Variants in GMDS observed in about 807,000 individuals in gnomAD.
GMDS encodes the protein GDP-mannose 4,6-dehydratase, also known as GDP-mannose 4,6 dehydratase.
GMDS carries 20 observed loss-of-function variants against 49.9 expected under a neutral mutation model. The observed-to-expected ratio is 0.40, with a 90% CI of 0.28 to 0.58. The LOEUF is 0.58. Among genes scored for constraint, GMDS ranks in the 20% least tolerant of loss-of-function variants. The probability of loss-of-function intolerance (pLI) is 0.42; values close to 1 mark genes in which losing one functional copy is unlikely to be tolerated. For synonymous variants in GMDS, 177 were observed against 178.6 expected (o/e 0.99, Z 0.07); for missense variants, 362 against 481.4 (o/e 0.75, Z 2.32).
intron 4 of GMDS, among the ~76,000 whole-genome samples, chr6:2,090,808 C>T (rs1005666284): frequency 6.6e-5 from 10 of 152,090 alleles, no homozygotes; most frequent in South Asian, 2.1e-4. Flanking sequence ...GCTGAAGTTT[C>T]GAGTCTCATC....
At chr6:1,665,817 C>T (rs910445841) in intron 9 of GMDS, among the ~76,000 whole-genome samples, 4 of 152,194 alleles carry the variant, frequency 2.6e-5, no homozygotes, top group Admixed American at 2.0e-4. Flanking sequence ...ATCATCATGT[C>T]TTCAGGCTAC....
At chr6:1,668,373 A>G (rs1386694605) in intron 9 of GMDS, among the ~76,000 whole-genome samples, 1 of 152,224 alleles carries the variant, frequency 6.6e-6, no homozygotes, top group Non-Finnish European at 1.5e-5. Flanking sequence ...TTTGAATTAT[A>G]AACTGTAGAT....
intron 7 of GMDS, among the ~76,000 whole-genome samples, chr6:1,898,783 C>T (rs1008941937): frequency 4.6e-5 from 7 of 152,148 alleles, no homozygotes; most frequent in African/African-American, 1.7e-4. Flanking sequence ...AGAATCAAAT[C>T]CCAGCGTGTA....
intron 7 of GMDS, among the ~76,000 whole-genome samples, chr6:1,825,890 C>T (rs1053613260): frequency 6.6e-6 from 1 of 152,172 alleles, no homozygotes; most frequent in Non-Finnish European, 1.5e-5. Context: ...GTGGCATGCA[C>T]ATGTAATCCC....
intron 7 of GMDS, among the ~76,000 whole-genome samples, chr6:1,900,313 T>C (rs1198677911): frequency 6.6e-6 from 1 of 152,200 alleles, no homozygotes; most frequent in Non-Finnish European, 1.5e-5. Context: ...GGCGTTATCA[T>C]GCAGAGTCTA....
intron 8 of GMDS, among the ~76,000 whole-genome samples, chr6:1,732,947 G>T (rs1478528756): frequency 6.6e-6 from 1 of 152,182 alleles, no homozygotes; most frequent in Non-Finnish European, 1.5e-5. Flanking sequence ...CCTCCCCGCA[G>T]GCCCCTCTAC....
chr6:1,718,105 T>A (rs1766235320), intron 9 of GMDS, among the ~76,000 whole-genome samples: 1 of 152,118 alleles, frequency 6.6e-6, no homozygotes, highest in African/African-American at 2.4e-5. Flanking sequence ...GAATTCGAAT[T>A]TGCCTGGCTC....
chr6:1,694,206 T>G (rs1395833618), intron 9 of GMDS, among the ~76,000 whole-genome samples: 1 of 152,374 alleles, frequency 6.6e-6, no homozygotes, highest in African/African-American at 2.4e-5. Context: ...AGAGGTACTA[T>G]TATTTTATCT....
intron 7 of GMDS, among the ~76,000 whole-genome samples, chr6:1,817,292 TTTG>T (rs1770712844): frequency 6.6e-6 from 1 of 152,144 alleles, no homozygotes; most frequent in African/African-American, 2.4e-5. Flanking sequence ...TCCTTAATGA[TTTG>T]TTTTCTCCAA....
At chr6:1,846,155 C>T (rs1377399689) in intron 7 of GMDS, among the ~76,000 whole-genome samples, 1 of 148,488 alleles carries the variant, frequency 6.7e-6, no homozygotes, top group African/African-American at 2.5e-5. Context: ...TGCAGTGCCA[C>T]AATCACAGCT....
intron 9 of GMDS, among the ~76,000 whole-genome samples, chr6:1,715,717 T>G (rs1289162571): frequency 6.6e-6 from 1 of 152,208 alleles, no homozygotes; most frequent in Non-Finnish European, 1.5e-5. Flanking sequence ...TTCAAAAGTT[T>G]GAGAGCTGGG....
chr6:1,842,591 G>A (rs1757196666), intron 7 of GMDS, among the ~76,000 whole-genome samples: 1 of 152,170 alleles, frequency 6.6e-6, no homozygotes, highest in South Asian at 2.1e-4. Flanking sequence ...AGAAGCCTGG[G>A]TCCTAGATGA....
At chr6:2,182,582 G>A (rs377169151) in intron 1 of GMDS, among the ~76,000 whole-genome samples, 1 of 152,174 alleles carries the variant, frequency 6.6e-6, no homozygotes, top group African/African-American at 2.4e-5. Flanking sequence ...AGGCCCTTAA[G>A]AATTTTGTTA....
chr6:2,057,932 C>T (rs970390839), intron 4 of GMDS, among the ~76,000 whole-genome samples: 9 of 152,094 alleles, frequency 5.9e-5, no homozygotes, highest in African/African-American at 2.2e-4. Flanking sequence ...CAAAATAGTG[C>T]ACATGACAAC....
rs567584922 is a variant in GMDS, at chr6:1,741,525, T to G, written c.890+943A>C. 6.6e-5 allele frequency among the ~76,000 whole-genome samples: 10 copies of G among 152,170 alleles called. No individual in the cohort carries two copies. In the East Asian group the frequency reaches 1.5e-3, roughly 24 times the overall value. On this transcript the variant is annotated intron_variant, in intron 8 of 10. Transcript: ENST00000380815. Reference sequence around the variant, plus strand: ...TTCTTTCATCTTTCTTTTAAGATGTTTTTGGCCAGGCGTGGTGGTTCATGC... The same window carrying G: ...TTCTTTCATCTTTCTTTTAAGATGTGTTTGGCCAGGCGTGGTGGTTCATGC...
At chr6:1,814,304 C>T (rs900764234) in intron 7 of GMDS, among the ~76,000 whole-genome samples, 2 of 152,174 alleles carry the variant, frequency 1.3e-5, no homozygotes, top group Admixed American at 1.3e-4. Context: ...CAAAGGACCA[C>T]GGCTAGAACA....
chr6:1,869,123 G>A lies in GMDS; in HGVS notation c.771+60980C>T, dbSNP rs1219611347. On this transcript the variant is annotated intron_variant, in intron 7 of 10. Coordinates refer to ENST00000380815, the MANE Select transcript of GMDS (RefSeq NM_001500.4). ...AGATGAGGCAACTGCAGCAGGAAAA[G>A]GCTCTACTGGGGGAGATAGCTCACG... Among the ~76,000 whole-genome samples the A allele has an allele frequency of 2.0e-5, 3 of 152,266 alleles. No individual in the cohort carries two copies. The East Asian group carries it at 5.8e-4, about 29-fold the overall frequency.
At chr6:2,167,641 G>T (rs145303645) in intron 1 of GMDS, among the ~76,000 whole-genome samples, 4 of 151,794 alleles carry the variant, frequency 2.6e-5, no homozygotes, top group African/African-American at 9.7e-5. Context: ...ACCCTCACAC[G>T]TAATATGCCC....
At chr6:1,876,344 A>G (rs984417058) in intron 7 of GMDS, among the ~76,000 whole-genome samples, 1 of 152,250 alleles carries the variant, frequency 6.6e-6, no homozygotes, top group Non-Finnish European at 1.5e-5. Flanking sequence ...GATGAGAAAA[A>G]AAGACGTGTT....
Sources: allele counts gnomAD v4.1 joint callset (sites outside exome capture counted in the v4.1 genomes callset), GRCh38; gene constraint gnomAD v4.1.1; transcripts MANE v1.5; gene names NCBI Gene and HGNC (gene_info 2026-07-23, HGNC 2026-07-21).